The following SQOR variants were observed in gnomAD, a reference collection of about 807,000 sequenced individuals.
SQOR encodes sulfide quinone oxidoreductase.
A neutral mutation model predicts 48.6 loss-of-function variants in SQOR; 39 were observed. The ratio of observed to expected loss-of-function variants is 0.80; its 90% CI spans 0.62 to 1.05. The LOEUF (loss-of-function observed/expected upper bound fraction) is 1.05, where lower values mean the gene tolerates loss of function less well. SQOR is among the 50% of genes least tolerant of loss of function. SQOR has a pLI of 0.00. For missense variants in SQOR, 561 were observed against 559.9 expected (o/e 1.00, Z -0.02); for synonymous variants, 220 against 206.2 (o/e 1.07, Z -0.57).
intron 1 of SQOR, among the ~76,000 whole-genome samples, chr15:45,647,524 G>A (rs1257126646): frequency 6.6e-6 from 1 of 151,700 alleles, no homozygotes; most frequent in Non-Finnish European, 1.5e-5. Flanking sequence ...ATGGGGTTTC[G>A]CCCTGTTGCC....
chr15:45,653,301 A>G (rs1023986022), intron 1 of SQOR, among the ~76,000 whole-genome samples: 1 of 152,160 alleles, frequency 6.6e-6, no homozygotes. Context: ...ACCTGTGTCT[A>G]GCTGACTACA....
At chr15:45,656,794 TTTTA>T (rs1398442988) in intron 1 of SQOR, among the ~76,000 whole-genome samples, 1 of 152,120 alleles carries the variant, frequency 6.6e-6, no homozygotes, top group African/African-American at 2.4e-5. Context: ...TGTAAACATT[TTTTA>T]TTTATTTTAT....
chr15:45,688,602 C>T (rs1211029467), intron 8 of SQOR, among the ~76,000 whole-genome samples, 198 bp downstream of exon 8: 1 of 151,766 alleles, frequency 6.6e-6, no homozygotes, highest in Non-Finnish European at 1.5e-5. Context: ...ACCTCCACCT[C>T]CTGGGTTCAA....
At chr15:45,674,665 T>C (rs1890004689) in intron 5 of SQOR, among the ~76,000 whole-genome samples, 1 of 151,256 alleles carries the variant, frequency 6.6e-6, no homozygotes. Flanking sequence ...TCATAGAACT[T>C]TAAACCTTCA....
At chr15:45,650,115 T>C (rs1889445773) in intron 1 of SQOR, among the ~76,000 whole-genome samples, 1 of 152,148 alleles carries the variant, frequency 6.6e-6, no homozygotes, top group Non-Finnish European at 1.5e-5. Flanking sequence ...AGTGCTGGGA[T>C]TACAGGCACG....
At position 45,669,953 on chromosome 15, in the gene SQOR, C is replaced by T. The variant is rs754606284; in HGVS notation, c.431C>T (p.Ala144Val). The T allele has an allele frequency of 9.9e-6, 16 of 1,613,932 alleles. No homozygotes were observed. The highest frequency in any genetic ancestry group is 1.2e-5 in the Non-Finnish European group (14 of 1,179,964). The change falls in exon 4 of 10, where the codon GCT (alanine) becomes GTT (valine). Residue 144 changes from alanine (A) to valine (V), a missense_variant. Physicochemically the swap from Ala to Val is moderately conservative, Grantham distance 64. Coordinates refer to ENST00000260324, the MANE Select transcript of SQOR (RefSeq NM_021199.4). Reference sequence around the variant, plus strand: ...ATCTCCTACCGATATCTTATTATTGCTCTCGGAATCCAGCTGGACTATGAG... The same window carrying T: ...ATCTCCTACCGATATCTTATTATTGTTCTCGGAATCCAGCTGGACTATGAG... ...EKISYRYLII[A>V]LGIQLDYEKI...
intron 1 of SQOR, among the ~76,000 whole-genome samples, chr15:45,650,453 A>G (rs928746674): frequency 8.5e-5 from 13 of 152,330 alleles, no homozygotes; most frequent in African/African-American, 2.9e-4. Context: ...AGACCTTCAC[A>G]GTGAGTGTTA....
chr15:45,648,238 C>T (rs1566914934), intron 1 of SQOR, among the ~76,000 whole-genome samples: 1 of 151,716 alleles, frequency 6.6e-6, no homozygotes, highest in Non-Finnish European at 1.5e-5. Flanking sequence ...AGTGCAGTGG[C>T]ACGATCTTGG....
intron 1 of SQOR, among the ~76,000 whole-genome samples, chr15:45,639,471 C>T (rs1228236504): frequency 6.6e-6 from 1 of 152,220 alleles, no homozygotes; most frequent in Non-Finnish European, 1.5e-5. Flanking sequence ...ACTTTCATGC[C>T]ACCTAGCTGG....
intron 8 of SQOR, 95 bp downstream of exon 8, chr15:45,688,499 C>A: frequency 1.7e-5 from 15 of 857,428 alleles, no homozygotes; most frequent in Non-Finnish European, 2.6e-5. Context: ...TCTGTCTTTT[C>A]TTTTTTTCTG....
Position 45,636,259 on chromosome 15 carries a change from G to A in SQOR, c.-18+1151G>A, listed in dbSNP as rs1895003555. Reference sequence around the variant, plus strand: ...ATATATGTCTTTAAAAAACGAATGCGTTATTTAATAACAAGGTTATTAAAT... The same window carrying A: ...ATATATGTCTTTAAAAAACGAATGCATTATTTAATAACAAGGTTATTAAAT... On this transcript the variant is annotated intron_variant, in intron 1 of 9. Coordinates refer to ENST00000260324, the MANE Select transcript of SQOR (RefSeq NM_021199.4). 1.3e-5 allele frequency among the ~76,000 whole-genome samples: 2 copies of A among 151,834 alleles called. 1 individual carries two copies. The highest frequency in any genetic ancestry group is 4.1e-4 in the South Asian group (2 of 4,820).
At chr15:45,673,464 C>A in intron 4 of SQOR, 143 bp from the exon 5 acceptor site, 1 of 883,220 alleles carries the variant, frequency 1.1e-6, no homozygotes, top group Non-Finnish European at 1.7e-6. Context: ...GAACCCTCAC[C>A]CACCTGCCTG....
At chr15:45,655,783 A>G (rs1394228311) in intron 1 of SQOR, among the ~76,000 whole-genome samples, 1 of 151,174 alleles carries the variant, frequency 6.6e-6, no homozygotes, top group Non-Finnish European at 1.5e-5. Flanking sequence ...TCACGGGTTC[A>G]AGTGATTCCC....
At chr15:45,641,199 T>C (rs1446446141) in intron 1 of SQOR, among the ~76,000 whole-genome samples, 2 of 152,180 alleles carry the variant, frequency 1.3e-5, no homozygotes, top group South Asian at 2.1e-4. Context: ...TTTGGTGAAA[T>C]TGTCAGTTCT....
At chr15:45,645,487 T>G (rs926592551) in intron 1 of SQOR, among the ~76,000 whole-genome samples, 1 of 152,176 alleles carries the variant, frequency 6.6e-6, no homozygotes, top group Non-Finnish European at 1.5e-5. Flanking sequence ...CAAAACAGAT[T>G]GTCTTCCCCA....
intron 1 of SQOR, among the ~76,000 whole-genome samples, chr15:45,654,826 G>A (rs1889564997): frequency 1.3e-5 from 2 of 152,102 alleles, no homozygotes; most frequent in South Asian, 2.1e-4. Context: ...TGGTGGAGGC[G>A]GTGTCTGATT....
intron 1 of SQOR, among the ~76,000 whole-genome samples, chr15:45,641,442 C>G (rs924193491): frequency 6.6e-6 from 1 of 152,146 alleles, no homozygotes; most frequent in Admixed American, 6.5e-5. Flanking sequence ...ATAGATTGTT[C>G]CTATTTCCCC....
Position 45,688,355 on chromosome 15 carries a change from T to C in SQOR, c.1067T>C (p.Leu356Pro). The change falls in exon 8 of 10, where the codon CTT becomes CCT. Residue 356 changes from leucine to proline, a missense_variant. Coordinates refer to ENST00000260324, the MANE Select transcript of SQOR (RefSeq NM_021199.4). ...AAAVAAQSGILDRTISVIMKN... is the reference protein window; with the variant it reads ...AAAVAAQSGIPDRTISVIMKN... ...CTTATAGCTGCCCAGTCAGGAATACTTGATAGGACAATTTCTGTAATTATG... is the reference window on the plus strand; with the variant it reads ...CTTATAGCTGCCCAGTCAGGAATACCTGATAGGACAATTTCTGTAATTATG... 1.9e-6 allele frequency: 3 copies of C among 1,607,704 alleles called. No individual in the cohort carries two copies. Among genetic ancestry groups the C allele is most frequent in the African/African-American group, 2.7e-5 (2 of 74,702 alleles).
chr15:45,637,122 C>A (rs1375371941), intron 1 of SQOR, among the ~76,000 whole-genome samples: 1 of 152,018 alleles, frequency 6.6e-6, no homozygotes, highest in African/African-American at 2.4e-5. Flanking sequence ...GCTGGGATTA[C>A]ACCAGCCACC....
Sources: allele counts gnomAD v4.1 joint callset (sites outside exome capture counted in the v4.1 genomes callset), GRCh38; gene constraint gnomAD v4.1.1; transcripts MANE v1.5; gene names NCBI Gene and HGNC (gene_info 2026-07-23, HGNC 2026-07-21).